FAM3B: variants seen among roughly 807,000 people sequenced by gnomAD.
FAM3B encodes protein FAM3B.
A neutral mutation model predicts 28.4 loss-of-function variants in FAM3B; 29 were observed. The ratio of observed to expected loss-of-function variants is 1.02; its 90% CI spans 0.76 to 1.39. FAM3B has a LOEUF of 1.39. Ranked by LOEUF, FAM3B falls within the 40% of genes most tolerant of loss-of-function variation. The pLI, the probability that FAM3B is intolerant of heterozygous loss-of-function variation, is 0.00. For missense variants in FAM3B, 266 were observed against 293.9 expected, an observed-to-expected ratio of 0.91 and a Z score of 0.69; for synonymous variants, 91 against 103.0, an observed-to-expected ratio of 0.88 and a Z score of 0.71.
intron 2 of FAM3B, among the ~76,000 whole-genome samples, chr21:41,325,140 T>C (rs2088844609): frequency 6.6e-6 from 1 of 152,070 alleles, no homozygotes. Flanking sequence ...AACATATATA[T>C]GCATTTGGAA....
At chr21:41,340,078 C>G (rs961538678) in intron 3 of FAM3B, among the ~76,000 whole-genome samples, 1 of 150,818 alleles carries the variant, frequency 6.6e-6, no homozygotes, top group Admixed American at 6.6e-5. Context: ...TTCTCATGTT[C>G]AAGGTAGGAG....
chr21:41,326,194 G>T lies in FAM3B; in HGVS notation c.163+3128G>T, dbSNP rs571558985. Reference sequence around the variant, plus strand: ...GGAAAAGCACTGAAGACCTAGATGTGGTTCTCCAGGCAGGGTTTGGAAAGA... The same window carrying T: ...GGAAAAGCACTGAAGACCTAGATGTTGTTCTCCAGGCAGGGTTTGGAAAGA... On this transcript the variant is annotated intron_variant, in intron 2 of 7. Transcript: ENST00000357985. The surrounding 1 kb of genome is among the most constrained non-coding windows in gnomAD (Gnocchi z 4.0). Among the ~76,000 whole-genome samples, 8 of 152,318 alleles carry T rather than the reference G, an allele frequency of 5.3e-5. No homozygotes were observed. The South Asian group carries it at 1.7e-3, about 32-fold the overall frequency.
chr21:41,315,105 TAAAAA>T (rs1349621622), upstream of FAM3B, among the ~76,000 whole-genome samples: 1 of 152,144 alleles, frequency 6.6e-6, no homozygotes, highest in Non-Finnish European at 1.5e-5. Flanking sequence ...TATTCAGCCT[TAAAAA>T]GAAAAGAAAT....
intron 2 of FAM3B, among the ~76,000 whole-genome samples, chr21:41,331,620 G>A (rs2088906400): frequency 6.6e-6 from 1 of 152,156 alleles, no homozygotes; most frequent in Admixed American, 6.5e-5. Flanking sequence ...TATGTGGTGT[G>A]AGATGAGGAT....
Position 41,344,480 on chromosome 21 carries a change from A to G in FAM3B, c.292A>G (p.Met98Val), listed in dbSNP as rs1322403642. Residue 98 changes from methionine to valine, a missense_variant, in exon 4 of 8, where the codon ATG becomes GTG. By Grantham distance (21) the Met-to-Val change is conservative. Transcript: ENST00000357985. ...TAATGCTTAGCTCCATTTCAGACTT[A>G]TGGGAGAACAGCTGGGAAATGTTGC... is the stretch of plus-strand genomic sequence containing the variant. ...AKICFEDNLL[M>V]GEQLGNVARG... is the part of the protein sequence containing the mutation. 12 of 1,614,068 alleles carry G rather than the reference A, an allele frequency of 7.4e-6. No homozygotes were observed. Among genetic ancestry groups the G allele is most frequent in the Non-Finnish European group, 1.0e-5 (12 of 1,179,894 alleles).
chr21:41,323,183 A>T, intron 2 of FAM3B, 117 bp downstream of exon 2: 1 of 1,392,372 alleles, frequency 7.2e-7, no homozygotes, highest in Non-Finnish European at 9.8e-7. Flanking sequence ...ATCAGGAAGG[A>T]GGAGGAGAGA....
chr21:41,317,925 T>C (rs2088765311), intron 1 of FAM3B, among the ~76,000 whole-genome samples: 1 of 152,188 alleles, frequency 6.6e-6, no homozygotes, highest in African/African-American at 2.4e-5. Context: ...CTGTTTTCGA[T>C]AACTTGTGTG....
chr21:41,323,915 C>T (rs1021721152), intron 2 of FAM3B, among the ~76,000 whole-genome samples: 15 of 152,178 alleles, frequency 9.9e-5, no homozygotes, highest in Admixed American at 6.5e-4. Flanking sequence ...TTATAAACAA[C>T]GCATTTATTT....
chr21:41,315,717 A>T (rs900908284), upstream of FAM3B, among the ~76,000 whole-genome samples: 1 of 151,938 alleles, frequency 6.6e-6, no homozygotes, highest in African/African-American at 2.4e-5. Flanking sequence ...GTTTGGGGAG[A>T]CTGCAGGTGG....
At chr21:41,311,017 C>T (rs1317789804) in intron 1 of FAM3B, among the ~76,000 whole-genome samples, 3 of 151,162 alleles carry the variant, frequency 2.0e-5, no homozygotes, top group African/African-American at 7.3e-5. Flanking sequence ...GACTCTAAAC[C>T]TAGGTTATCT....
upstream of FAM3B, among the ~76,000 whole-genome samples, chr21:41,313,235 A>G (rs963939979): frequency 6.6e-6 from 1 of 152,238 alleles, no homozygotes; most frequent in African/African-American, 2.4e-5. Flanking sequence ...TGTAATTTAT[A>G]TGCAGTAAAA....
At chr21:41,351,417 G>A (rs2089119604) in intron 7 of FAM3B, among the ~76,000 whole-genome samples, 1 of 152,208 alleles carries the variant, frequency 6.6e-6, no homozygotes, top group Non-Finnish European at 1.5e-5. Flanking sequence ...CCTAAACACA[G>A]CAAGCAGTCA....
At chr21:41,306,576 G>T (rs936577427) in intron 1 of FAM3B, among the ~76,000 whole-genome samples, 4 of 152,210 alleles carry the variant, frequency 2.6e-5, no homozygotes, top group African/African-American at 9.6e-5. Context: ...GAGCTCTTGG[G>T]TGACCAGGTG....
chr21:41,335,366 G>A (rs368060004), intron 2 of FAM3B, among the ~76,000 whole-genome samples: 54 of 152,334 alleles, frequency 3.5e-4, no homozygotes, highest in African/African-American at 1.0e-3. Flanking sequence ...GTTGGAGGTG[G>A]GGCATGGTGG....
intron 2 of FAM3B, among the ~76,000 whole-genome samples, chr21:41,323,932 G>A (rs2088832839): frequency 6.6e-6 from 1 of 152,198 alleles, no homozygotes; most frequent in South Asian, 2.1e-4. Context: ...ATTTCTGACA[G>A]TGTTGGAGGC....
At position 41,323,239 on chromosome 21, in the gene FAM3B, C is replaced by T. The variant is rs531023076; in HGVS notation, c.163+173C>T. 9.9e-5 allele frequency among the ~76,000 whole-genome samples: 15 copies of T among 152,184 alleles called. 1 individual carries two copies. Among genetic ancestry groups the T allele is most frequent in the Non-Finnish European group, 2.2e-4 (15 of 68,030 alleles). ...TTAGGTCCCACGCCATTCCAAGGCA[C>T]GTGCCGCTGCTGACCCCATGTGAGA... is the stretch of plus-strand genomic sequence containing the variant. On this transcript the variant is annotated intron_variant, in intron 2 of 7. Transcript: ENST00000357985.
chr21:41,344,614 C>G, intron 4 of FAM3B, 80 bp downstream of exon 4: 1 of 1,128,890 alleles, frequency 8.9e-7, no homozygotes, highest in Non-Finnish European at 1.3e-6. Context: ...GTTTTCGAGA[C>G]TTTTGCGCGT....
intron 7 of FAM3B, among the ~76,000 whole-genome samples, chr21:41,350,051 T>TGCCTGGG (rs1048987908): frequency 3.3e-5 from 5 of 152,300 alleles, no homozygotes; most frequent in African/African-American, 1.2e-4. Context: ...GCCCCACCAC[T>TGCCTGGG]GCCTGGACCC....
intron 1 of FAM3B, among the ~76,000 whole-genome samples, chr21:41,322,053 A>C (rs2088811659): frequency 6.6e-6 from 1 of 151,914 alleles, no homozygotes; most frequent in Non-Finnish European, 1.5e-5. Flanking sequence ...TACCCATCCT[A>C]CTCAGGGCCT....
Sources: allele counts gnomAD v4.1 joint callset (sites outside exome capture counted in the v4.1 genomes callset), GRCh38; gene constraint gnomAD v4.1.1; non-coding constraint Gnocchi (gnomAD v3.1); transcripts MANE v1.5; gene names NCBI Gene and HGNC (gene_info 2026-07-23, HGNC 2026-07-21).